CPA6: variants seen among roughly 807,000 people sequenced by gnomAD.
CPA6 encodes the protein carboxypeptidase A6, also known as carboxypeptidase B.
In CPA6, 58 loss-of-function variants were observed where a neutral mutation model predicts 63.3. That is an observed-to-expected ratio of 0.92 (90% CI 0.74 to 1.14). CPA6 has a LOEUF of 1.14. Among genes scored for constraint, CPA6 ranks in the 50% most tolerant of loss-of-function variants. CPA6 has a pLI of 0.00. For missense variants in CPA6, 565 were observed against 526.6 expected (o/e 1.07, Z -0.71); for synonymous variants, 185 against 179.0 (o/e 1.03, Z -0.27).
chr8:67,614,970 G>A (rs991784997), intron 2 of CPA6, among the ~76,000 whole-genome samples: 1 of 152,298 alleles, frequency 6.6e-6, no homozygotes, highest in East Asian at 1.9e-4. Flanking sequence ...TATTCGCCCT[G>A]TGCAAGACCT....
At chr8:67,450,472 C>G (rs936147020) in intron 8 of CPA6, among the ~76,000 whole-genome samples, 1 of 152,196 alleles carries the variant, frequency 6.6e-6, no homozygotes, top group East Asian at 1.9e-4. Flanking sequence ...TAAGCCACTC[C>G]TGAAGTCTAG....
chr8:67,590,126 G>A (rs1012098259), intron 2 of CPA6, among the ~76,000 whole-genome samples: 3 of 151,664 alleles, frequency 2.0e-5, no homozygotes, highest in Non-Finnish European at 2.9e-5. Flanking sequence ...ATCTATGAGT[G>A]AGAACATGTG....
At chr8:67,493,945 C>T (rs546715755) in intron 6 of CPA6, among the ~76,000 whole-genome samples, 1 of 152,246 alleles carries the variant, frequency 6.6e-6, no homozygotes, top group Admixed American at 6.5e-5. Flanking sequence ...TGGTCTGCCA[C>T]TGAATTAAAT....
chr8:67,681,602 A>G (rs189514227), intron 1 of CPA6, among the ~76,000 whole-genome samples: 6 of 152,282 alleles, frequency 3.9e-5, no homozygotes, highest in South Asian at 2.1e-4. Context: ...CAAGGTATGC[A>G]TGTAAGCTTT....
intron 1 of CPA6, among the ~76,000 whole-genome samples, chr8:67,725,437 T>A (rs1481960383): frequency 6.6e-6 from 1 of 152,218 alleles, no homozygotes; most frequent in Non-Finnish European, 1.5e-5. Flanking sequence ...TTTTCAAAAC[T>A]TCATGACTGA....
At chr8:67,689,522 G>A (rs1394120178) in intron 1 of CPA6, among the ~76,000 whole-genome samples, 1 of 152,296 alleles carries the variant, frequency 6.6e-6, no homozygotes, top group East Asian at 1.9e-4. Flanking sequence ...GAGAATATGT[G>A]ATATTTGGTT....
chr8:67,740,286 A>G (rs1817888098), intron 1 of CPA6, among the ~76,000 whole-genome samples: 1 of 152,166 alleles, frequency 6.6e-6, no homozygotes, highest in Admixed American at 6.5e-5. Flanking sequence ...GCAGAAGGCA[A>G]CTCAGATTCA....
At chr8:67,694,521 A>G (rs893982656) in intron 1 of CPA6, among the ~76,000 whole-genome samples, 2 of 152,200 alleles carry the variant, frequency 1.3e-5, no homozygotes, top group Non-Finnish European at 2.9e-5. Context: ...ATCAAATGGA[A>G]GTGGTATATA....
intron 2 of CPA6, among the ~76,000 whole-genome samples, chr8:67,551,520 A>G (rs1187006999): frequency 6.6e-6 from 1 of 152,142 alleles, no homozygotes; most frequent in African/African-American, 2.4e-5. Context: ...TTATGGTTCT[A>G]TATAAATTTT....
At chr8:67,610,731 T>C (rs1042948394) in intron 2 of CPA6, among the ~76,000 whole-genome samples, 6 of 152,182 alleles carry the variant, frequency 3.9e-5, no homozygotes, top group African/African-American at 1.2e-4. Context: ...GTGTCCTTTC[T>C]CACTATCAGC....
intron 3 of CPA6, among the ~76,000 whole-genome samples, chr8:67,514,424 A>G (rs1274458772): frequency 1.3e-5 from 2 of 152,182 alleles, no homozygotes; most frequent in Non-Finnish European, 2.9e-5. Flanking sequence ...GCTATACATT[A>G]TGTATTCTTG....
chr8:67,624,284 T>C (rs892961262), intron 1 of CPA6, 33 bp from the exon 2 acceptor site: 1 of 1,224,276 alleles, frequency 8.2e-7, no homozygotes, highest in Non-Finnish European at 1.2e-6. Flanking sequence ...TGATAATTAC[T>C]TTTCGAAAAT....
At chr8:67,678,670 T>C (rs1816530322) in intron 1 of CPA6, among the ~76,000 whole-genome samples, 1 of 152,238 alleles carries the variant, frequency 6.6e-6, no homozygotes, top group Non-Finnish European at 1.5e-5. Context: ...CTGGTGGAAC[T>C]GTAAATTGGT....
At chr8:67,600,662 A>G (rs922444394) in intron 2 of CPA6, among the ~76,000 whole-genome samples, 2 of 152,192 alleles carry the variant, frequency 1.3e-5, no homozygotes, top group African/African-American at 4.8e-5. Flanking sequence ...ATTTTCTCTT[A>G]GTAGCCAAGT....
intron 1 of CPA6, among the ~76,000 whole-genome samples, chr8:67,649,216 A>T (rs1376775390): frequency 6.6e-6 from 1 of 152,164 alleles, no homozygotes; most frequent in Admixed American, 6.5e-5. Flanking sequence ...AATGTCTAGA[A>T]TTTATTTCAA....
chr8:67,437,746 T>C (rs1810194025), intron 8 of CPA6, among the ~76,000 whole-genome samples: 1 of 151,826 alleles, frequency 6.6e-6, no homozygotes, highest in Admixed American at 6.6e-5. Flanking sequence ...TTTGAAACAT[T>C]CCTAGAAGGC....
At chr8:67,642,982 C>G (rs1324296312) in intron 1 of CPA6, among the ~76,000 whole-genome samples, 2 of 151,962 alleles carry the variant, frequency 1.3e-5, no homozygotes, top group Non-Finnish European at 2.9e-5. Context: ...AAATGAGGAA[C>G]TTTTCATGAA....
At chr8:67,587,963 G>A (rs1813992325) in intron 2 of CPA6, among the ~76,000 whole-genome samples, 1 of 152,140 alleles carries the variant, frequency 6.6e-6, no homozygotes, top group South Asian at 2.1e-4. Flanking sequence ...GAATGAATAG[G>A]CTAACAGTTT....
In CPA6 at chr8:67,518,047, C is replaced by A; in HGVS notation, c.193G>T (p.Val65Leu). The A allele has an allele frequency of 6.3e-7, 1 of 1,590,424 alleles. No homozygotes were observed. The highest frequency in any genetic ancestry group is 8.5e-7 in the Non-Finnish European group (1 of 1,170,788). ...ALKKISYQLK[V>L]DLWQPSSISY... ...ATACTGCTGGGCTGCCACAGGTCCA[C>A]CTGTAGTGCAGGAACCAACCTATAA... is the stretch of plus-strand genomic sequence containing the variant. The change falls in exon 3 of 11, where the codon GTG becomes TTG. Residue 65 changes from valine (V) to leucine (L), a missense_variant and splice_region_variant. Transcript: ENST00000297770.
Sources: allele counts gnomAD v4.1 joint callset (sites outside exome capture counted in the v4.1 genomes callset), GRCh38; gene constraint gnomAD v4.1.1; transcripts MANE v1.5; gene names NCBI Gene and HGNC (gene_info 2026-07-23, HGNC 2026-07-21).